CEP57L1: variants seen among roughly 807,000 people sequenced by gnomAD.
CEP57L1 encodes the protein centrosomal protein CEP57L1.
A neutral mutation model predicts 61.0 loss-of-function variants in CEP57L1; 37 were observed. That is an observed-to-expected ratio of 0.61 (90% confidence interval 0.47 to 0.80). The LOEUF is 0.80. Among genes scored for constraint, CEP57L1 ranks in the 30% least tolerant of loss-of-function variants. The pLI is 0.00. For synonymous variants in CEP57L1, 137 were observed against 162.3 expected (o/e 0.84, Z 1.19); for missense variants, 422 against 524.7 (o/e 0.80, Z 1.91).
At chr6:109,142,724 A>C (rs979429968) in intron 1 of CEP57L1, among the ~76,000 whole-genome samples, 2 of 152,156 alleles carry the variant, frequency 1.3e-5, no homozygotes, top group African/African-American at 4.8e-5. Flanking sequence ...AAAATGTTCC[A>C]TAAGAATTCC....
At chr6:109,147,709 C>A (rs1245203276) in intron 3 of CEP57L1, among the ~76,000 whole-genome samples, 1 of 152,108 alleles carries the variant, frequency 6.6e-6, no homozygotes, top group African/African-American at 2.4e-5. Flanking sequence ...TGCCAGCAGT[C>A]AAGAACAGGG....
intron 2 of CEP57L1, among the ~76,000 whole-genome samples, chr6:109,145,794 A>G (rs776394750): frequency 4.6e-5 from 7 of 151,996 alleles, no homozygotes. Context: ...GGAAGCCAGT[A>G]TATCAGAGTA....
intron 4 of CEP57L1, 59 bp from the exon 5 acceptor site, chr6:109,153,774 T>A (rs1772915276): frequency 1.1e-6 from 1 of 877,004 alleles, no homozygotes; most frequent in Non-Finnish European, 1.9e-6. Flanking sequence ...GTATTATTCT[T>A]GTTCCATTGG....
intron 1 of CEP57L1, among the ~76,000 whole-genome samples, chr6:109,132,433 GA>G (rs1389432304): frequency 6.6e-6 from 1 of 152,056 alleles, no homozygotes; most frequent in Non-Finnish European, 1.5e-5. Flanking sequence ...CATCCTTATT[GA>G]AATCCTTACC....
chr6:109,115,950 A>C (rs2114663424), intron 1 of CEP57L1, among the ~76,000 whole-genome samples: 1 of 152,316 alleles, frequency 6.6e-6, no homozygotes, highest in South Asian at 2.1e-4. Flanking sequence ...ATACTATATA[A>C]GTAAGACTAC....
rs1162900840 is a variant in CEP57L1 at position 109,173,607 on chromosome 6, A to T, written c.*10637A>T. Among the ~76,000 whole-genome samples the T allele has an allele frequency of 3.3e-5, 5 of 150,392 alleles. No individual in the cohort carries two copies. The highest frequency in any genetic ancestry group is 5.9e-5 in the Non-Finnish European group (4 of 67,638). On this transcript the variant is annotated 3_prime_UTR_variant, in exon 11 of 11. Coordinates refer to ENST00000517392, the MANE Select transcript of CEP57L1 (RefSeq NM_001271852.3). The stretch of plus-strand genomic sequence containing the variant: ...ACCTGGCTAATTAAAAAAAAAAAAA[A>T]ATTTTTTTTTTTGAGGAGACGCGGT...
At chr6:109,161,411 A>G (rs1773706218) in intron 10 of CEP57L1, among the ~76,000 whole-genome samples, 1 of 152,180 alleles carries the variant, frequency 6.6e-6, no homozygotes, top group South Asian at 2.1e-4. Context: ...AGCCTTTCCC[A>G]GGAACCCTCA....
intron 1 of CEP57L1, among the ~76,000 whole-genome samples, chr6:109,123,246 C>G (rs1359323714): frequency 6.6e-6 from 1 of 152,036 alleles, no homozygotes; most frequent in African/African-American, 2.4e-5. Flanking sequence ...ACTGACTGAG[C>G]TAGCTGGGGC....
intron 6 of CEP57L1, among the ~76,000 whole-genome samples, chr6:109,155,572 G>A (rs1773134467): frequency 6.6e-6 from 1 of 151,774 alleles, no homozygotes; most frequent in East Asian, 1.9e-4. Context: ...TTTGATTTCT[G>A]TACATATATT....
chr6:109,132,543 G>A (rs1294345603), intron 1 of CEP57L1, among the ~76,000 whole-genome samples: 2 of 152,134 alleles, frequency 1.3e-5, no homozygotes, highest in Non-Finnish European at 2.9e-5. Flanking sequence ...ATCACAAATA[G>A]TGCTGCTACA....
At position 109,171,580 on chromosome 6, in the gene CEP57L1, A is replaced by G. The variant is rs1562166219; in HGVS notation, c.*8610A>G. On this transcript the variant is annotated 3_prime_UTR_variant, in exon 11 of 11. Transcript: ENST00000517392. ...TTCTCTTAAACCGTTCTACTAAAAT[A>G]CTATCAGTTTAAACTACCATCTACA... Among the ~76,000 whole-genome samples, 1 of 152,134 alleles carries G rather than the reference A, an allele frequency of 6.6e-6. No individual in the cohort carries two copies. Among genetic ancestry groups the G allele is most frequent in the Non-Finnish European group, 1.5e-5 (1 of 68,020 alleles).
chr6:109,134,103 A>C (rs889222817), intron 1 of CEP57L1, among the ~76,000 whole-genome samples: 3 of 152,126 alleles, frequency 2.0e-5, no homozygotes, highest in Non-Finnish European at 4.4e-5. Context: ...GGCAGAGACA[A>C]AACAAAAAAA....
At chr6:109,147,506 T>C (rs1772098425) in intron 3 of CEP57L1, among the ~76,000 whole-genome samples, 1 of 152,192 alleles carries the variant, frequency 6.6e-6, no homozygotes, top group African/African-American at 2.4e-5. Flanking sequence ...CTTAAGACTT[T>C]CTTTTTCCTT....
At position 109,162,858 on chromosome 6, in the gene CEP57L1, G is replaced by GA. The variant is rs1273244604; in HGVS notation, c.1275dup (p.Cys426MetfsTer4). On this transcript the variant is annotated frameshift_variant, in exon 11 of 11. Coordinates refer to ENST00000517392, the MANE Select transcript of CEP57L1 (RefSeq NM_001271852.3). LOFTEE classifies it high-confidence loss of function. ...TCAAAGAACATAAAAAATAGCCCCA[G>GA]AAAATGTTTGACTGACACTAACCTT... 1.9e-6 allele frequency: 3 copies of GA among 1,613,156 alleles called. No individual in the cohort carries two copies. The highest frequency in any genetic ancestry group is 2.5e-6 in the Non-Finnish European group (3 of 1,179,452).
At chr6:109,101,906 A>G (rs985290849) in intron 1 of CEP57L1, among the ~76,000 whole-genome samples, 10 of 152,210 alleles carry the variant, frequency 6.6e-5, no homozygotes, top group Admixed American at 3.3e-4. Context: ...GGCGTGAGCC[A>G]CCGCGCCCAG....
intron 10 of CEP57L1, 78 bp from the exon 11 acceptor site, chr6:109,162,671 A>G: frequency 1.1e-6 from 1 of 925,270 alleles, no homozygotes. Flanking sequence ...ACGTTAAACC[A>G]TCAATTCAAC....
Position 109,127,731 on chromosome 6 carries a change from C to G in CEP57L1, c.-3-17488C>G, listed in dbSNP as rs571930224. 2.3e-3 allele frequency among the ~76,000 whole-genome samples: 357 copies of G among 152,160 alleles called. 1 individual carries two copies. Among genetic ancestry groups the G allele is most frequent in the African/African-American group, 8.2e-3 (341 of 41,530 alleles). On this transcript the variant is annotated intron_variant, in intron 1 of 10. Coordinates refer to ENST00000517392, the MANE Select transcript of CEP57L1 (RefSeq NM_001271852.3). ...CGCCTCCTGGGTTCAAGCGATTCTC[C>G]TGCCTCAGCCTCCCGAGTAGCTGGG... is the stretch of plus-strand genomic sequence containing the variant.
intron 1 of CEP57L1, among the ~76,000 whole-genome samples, chr6:109,109,707 A>G (rs1000163262): frequency 6.6e-6 from 1 of 152,164 alleles, no homozygotes; most frequent in African/African-American, 2.4e-5. Flanking sequence ...ACCCCGTGAC[A>G]GGCCCGGGTG....
rs751539209 is a variant in CEP57L1, at chr6:109,171,242, A to AT, written c.*8285dup. Among the ~76,000 whole-genome samples, 393 of 143,342 alleles carry AT rather than the reference A, an allele frequency of 2.7e-3. No individual in the cohort carries two copies. The highest frequency in any genetic ancestry group is 5.3e-3 in the South Asian group (24 of 4,542). The allele number at this position is 143,342 out of a possible 152,430, so 94.0% of individuals were successfully genotyped here. ...AAATAATGCCACAAAGTAGAGTTTG[A>AT]TTTTTTTTTTTTTGAGACGGAGTTT... On this transcript the variant is annotated 3_prime_UTR_variant, in exon 11 of 11. Coordinates refer to ENST00000517392, the MANE Select transcript of CEP57L1 (RefSeq NM_001271852.3).
Sources: allele counts gnomAD v4.1 joint callset (sites outside exome capture counted in the v4.1 genomes callset), GRCh38; gene constraint gnomAD v4.1.1; transcripts MANE v1.5; gene names NCBI Gene and HGNC (gene_info 2026-07-23, HGNC 2026-07-21).